GRK5: variants seen among roughly 807,000 people sequenced by gnomAD.
The protein encoded by GRK5 is g protein-coupled receptor kinase GRK5.
Under a neutral mutation model 78.4 loss-of-function variants are expected in GRK5, and 40 were observed. That is an observed-to-expected ratio of 0.51 (90% confidence interval 0.40 to 0.66). The LOEUF (loss-of-function observed/expected upper bound fraction) is 0.66, where lower values mean the gene tolerates loss of function less well. Ranked by LOEUF, GRK5 falls within the 30% of genes least tolerant of loss-of-function variation. The probability of loss-of-function intolerance (pLI) is 0.00; values close to 1 mark genes in which losing one functional copy is unlikely to be tolerated. For missense variants in GRK5, 598 were observed against 759.9 expected (o/e 0.79, Z 2.50); for synonymous variants, 289 against 296.8 (o/e 0.97, Z 0.27).
intron 3 of GRK5, among the ~76,000 whole-genome samples, chr10:119,391,691 G>A (rs910790516): frequency 4.6e-5 from 7 of 152,306 alleles, no homozygotes; most frequent in Non-Finnish European, 8.8e-5. Flanking sequence ...CCCACAGCAG[G>A]GTGGGAGAGG....
Position 119,452,377 on chromosome 10 carries a change from A to G in GRK5, c.1405-294A>G, listed in dbSNP as rs1358398957. On this transcript the variant is annotated intron_variant, in intron 13 of 15. Coordinates refer to ENST00000392870, the MANE Select transcript of GRK5 (RefSeq NM_005308.3). The surrounding 1 kb of genome is among the most constrained non-coding windows in gnomAD (Gnocchi z 4.4). The stretch of plus-strand genomic sequence containing the variant: ...CCCGAGCTCCTGTGTCACCCCAGCC[A>G]GGGTCCCCGTCATGGATCTGAGAGA... 8.2e-6 allele frequency: 3 copies of G among 364,406 alleles called. No homozygotes were observed. The highest frequency in any genetic ancestry group is 1.5e-5 in the Non-Finnish European group (3 of 196,792). The allele number at this position is 364,406 out of a possible 1,614,324, so 22.6% of individuals were successfully genotyped here.
chr10:119,249,807 G>A (rs917123824), intron 1 of GRK5, among the ~76,000 whole-genome samples: 1 of 152,152 alleles, frequency 6.6e-6, no homozygotes, highest in Non-Finnish European at 1.5e-5. Context: ...AGCTGACTTT[G>A]AACTTTTTAA....
chr10:119,449,866 T>A (rs1023509431), intron 13 of GRK5, among the ~76,000 whole-genome samples: 2 of 152,156 alleles, frequency 1.3e-5, no homozygotes, highest in Non-Finnish European at 2.9e-5. Flanking sequence ...GGGAGGATGG[T>A]AATCACAGCA....
intron 1 of GRK5, among the ~76,000 whole-genome samples, chr10:119,285,780 T>C (rs1021508142): frequency 6.6e-6 from 1 of 152,090 alleles, no homozygotes; most frequent in African/African-American, 2.4e-5. Context: ...GAGGTAGGAA[T>C]TGGGAGCAGG....
chr10:119,261,654 C>A (rs1282384271), intron 1 of GRK5, among the ~76,000 whole-genome samples: 1 of 152,228 alleles, frequency 6.6e-6, no homozygotes, highest in South Asian at 2.1e-4. Flanking sequence ...CCCGGCACCT[C>A]GGGAGGCCGA....
chr10:119,439,714 G>A lies in GRK5; in HGVS notation c.930-17G>A. The A allele has an allele frequency of 5.0e-6, 8 of 1,613,936 alleles. No homozygotes were observed. The highest frequency in any genetic ancestry group is 6.8e-6 in the Non-Finnish European group (8 of 1,179,854). On this transcript the variant is annotated splice_polypyrimidine_tract_variant and intron_variant, in intron 9 of 15. Transcript: ENST00000392870. ...CCAGAATGCCCACACTCTGATGCTT[G>A]TTGTTTTTCCTTTCAGAGATCTGAA...
At chr10:119,259,423 T>C (rs927572435) in intron 1 of GRK5, among the ~76,000 whole-genome samples, 2 of 152,250 alleles carry the variant, frequency 1.3e-5, no homozygotes, top group Non-Finnish European at 2.9e-5. Context: ...TGCATCATAC[T>C]TTCTGCTCAT....
chr10:119,306,678 C>G (rs1354386218), intron 1 of GRK5, among the ~76,000 whole-genome samples: 1 of 152,144 alleles, frequency 6.6e-6, no homozygotes, highest in Non-Finnish European at 1.5e-5. Context: ...AAAGAGGTGT[C>G]ACGTCTGCCT....
rs888933826 is a variant in GRK5, at chr10:119,431,248, G to C, written c.598-139G>C. 1 of 943,068 alleles carries C rather than the reference G, an allele frequency of 1.1e-6. No individual in the cohort carries two copies. Among genetic ancestry groups the C allele is most frequent in the Admixed American group, 2.9e-5 (1 of 34,340 alleles). The allele number at this position is 943,068 out of a possible 1,614,324, so 58.4% of individuals were successfully genotyped here. A position where few individuals can be genotyped will look rare whatever the true frequency, so the allele number is the denominator to read the frequency against. The stretch of plus-strand genomic sequence containing the variant: ...GGCATCACTGGGTCCTGGGAGCCTG[G>C]AGCACTCATGAAGCCAGGCAGGGCC... On this transcript the variant is annotated intron_variant, in intron 7 of 15. Coordinates refer to ENST00000392870, the MANE Select transcript of GRK5 (RefSeq NM_005308.3). The surrounding 1 kb of genome is among the most constrained non-coding windows in gnomAD (Gnocchi z 4.8).
intron 2 of GRK5, among the ~76,000 whole-genome samples, chr10:119,340,831 C>G (rs1231167040): frequency 6.6e-6 from 1 of 152,230 alleles, no homozygotes; most frequent in Non-Finnish European, 1.5e-5. Flanking sequence ...AAAGGTGTTT[C>G]TGGCAGAGAG....
At chr10:119,384,969 C>G (rs1851769510) in intron 3 of GRK5, among the ~76,000 whole-genome samples, 2 of 152,142 alleles carry the variant, frequency 1.3e-5, no homozygotes, top group African/African-American at 4.8e-5. Context: ...GGATGGTCAG[C>G]ATTGGAGTCT....
At chr10:119,281,764 C>T (rs962642507) in intron 1 of GRK5, among the ~76,000 whole-genome samples, 4 of 152,306 alleles carry the variant, frequency 2.6e-5, no homozygotes, top group Non-Finnish European at 4.4e-5. Flanking sequence ...TCAAGTCATC[C>T]GATCCCCCGA....
At chr10:119,428,591 C>T (rs1852749542) in intron 6 of GRK5, among the ~76,000 whole-genome samples, 1 of 152,128 alleles carries the variant, frequency 6.6e-6, no homozygotes, top group South Asian at 2.1e-4. Context: ...AGGCCCCCTC[C>T]CAAGTCCTTG....
Position 119,449,433 on chromosome 10 carries a change from G to A in GRK5, c.1404+1173G>A, listed in dbSNP as rs182478854. On this transcript the variant is annotated intron_variant, in intron 13 of 15. Coordinates refer to ENST00000392870, the MANE Select transcript of GRK5 (RefSeq NM_005308.3). Reference sequence around the variant, plus strand: ...CCATGGCAACCACACCACAGACCCCGTCTGGCCAGGGATGGCATCAGTGTG... The same window carrying A: ...CCATGGCAACCACACCACAGACCCCATCTGGCCAGGGATGGCATCAGTGTG... Among the ~76,000 whole-genome samples the A allele has an allele frequency of 2.9e-3, 436 of 152,296 alleles. 2 individuals are homozygous for A. The highest frequency in any genetic ancestry group is 9.5e-3 in the African/African-American group (393 of 41,570).
chr10:119,381,621 G>A (rs963882439), intron 3 of GRK5, among the ~76,000 whole-genome samples: 5 of 152,230 alleles, frequency 3.3e-5, no homozygotes, highest in African/African-American at 9.6e-5. Context: ...GAGTTCCTCT[G>A]CACCTGCCCG....
Position 119,373,128 on chromosome 10 carries a change from G to A in GRK5, c.149-7687G>A, listed in dbSNP as rs934546953. ...TTGTCAGACTCACGTGGAAAGTTGG[G>A]AACAATGGAGATTTACAAAAGTATC... On this transcript the variant is annotated intron_variant, in intron 2 of 15. Transcript: ENST00000392870. 2.0e-5 allele frequency among the ~76,000 whole-genome samples: 3 copies of A among 152,234 alleles called. 1 individual carries two copies. In the South Asian group the frequency reaches 6.2e-4, roughly 31 times the overall value.
At chr10:119,360,474 T>C (rs1461579327) in intron 2 of GRK5, among the ~76,000 whole-genome samples, 3 of 132,464 alleles carry the variant, frequency 2.3e-5, no homozygotes, top group East Asian at 2.2e-4. Context: ...GGAGTCTGTG[T>C]GAGTGGGAGG....
chr10:119,429,256 G>A (rs550036190), intron 6 of GRK5, among the ~76,000 whole-genome samples: 3 of 152,224 alleles, frequency 2.0e-5, no homozygotes, highest in East Asian at 1.9e-4. Flanking sequence ...CTCAGAGTGC[G>A]GCTGTGGTGC....
chr10:119,412,929 C>T lies in GRK5; in HGVS notation c.340-10237C>T, dbSNP rs1451727976. Among the ~76,000 whole-genome samples the T allele has an allele frequency of 2.0e-5, 3 of 152,102 alleles. No individual in the cohort carries two copies. Among genetic ancestry groups the T allele is most frequent in the Non-Finnish European group, 2.9e-5 (2 of 68,030 alleles). ...GTGAGCTCAGGGAATCGGAGCTCGG[C>T]GAGACGAGGGGAGCTCTTGGCCGTG... On this transcript the variant is annotated intron_variant, in intron 4 of 15. Transcript: ENST00000392870. This position sits in a 1 kb window ranked among gnomAD's most constrained non-coding sequence, Gnocchi z 4.3.
Sources: allele counts gnomAD v4.1 joint callset (sites outside exome capture counted in the v4.1 genomes callset), GRCh38; gene constraint gnomAD v4.1.1; non-coding constraint Gnocchi (gnomAD v3.1); transcripts MANE v1.5; gene names NCBI Gene and HGNC (gene_info 2026-07-23, HGNC 2026-07-21).